Variants in AUTS2 observed in about 807,000 individuals in gnomAD.
AUTS2 encodes the protein activator of transcription and developmental regulator AUTS2, also known as autism susceptibility gene 2 protein.
In AUTS2, 17 loss-of-function variants were observed where a neutral mutation model predicts 112.4. The ratio of observed to expected loss-of-function variants is 0.15; its 90% CI spans 0.10 to 0.23. The LOEUF (loss-of-function observed/expected upper bound fraction) is 0.23, where lower values mean the gene tolerates loss of function less well. Among genes scored for constraint, AUTS2 ranks in the 10% least tolerant of loss-of-function variants. The pLI is 1.00. For synonymous variants in AUTS2, 751 were observed against 702.7 expected (o/e 1.07, Z -1.09); for missense variants, 1,510 against 1,701.6 (o/e 0.89, Z 1.98).
At chr7:70,105,469 C>T (rs1051062279) in intron 2 of AUTS2, among the ~76,000 whole-genome samples, 21 of 152,066 alleles carry the variant, frequency 1.4e-4, no homozygotes, top group African/African-American at 3.9e-4. Flanking sequence ...ATGTTTCCCA[C>T]GCTGATCTTG....
At chr7:69,864,664 G>A (rs1253151014) in intron 1 of AUTS2, among the ~76,000 whole-genome samples, 2 of 152,128 alleles carry the variant, frequency 1.3e-5, no homozygotes, top group Non-Finnish European at 2.9e-5. Context: ...TATACTGAGA[G>A]GGAGAACATA....
chr7:70,190,768 T>G (rs779839108), intron 4 of AUTS2, among the ~76,000 whole-genome samples: 5 of 152,192 alleles, frequency 3.3e-5, no homozygotes, highest in Admixed American at 6.5e-5. Context: ...AATAGGAGTT[T>G]CCTAGAGGAT....
chr7:70,326,499 C>T (rs968951972), intron 4 of AUTS2, among the ~76,000 whole-genome samples: 2 of 152,232 alleles, frequency 1.3e-5, no homozygotes, highest in South Asian at 4.1e-4. Context: ...TGACCTCTGA[C>T]TCACAGTTAC....
intron 2 of AUTS2, among the ~76,000 whole-genome samples, chr7:70,033,581 A>G (rs945461252): frequency 6.6e-6 from 1 of 152,212 alleles, no homozygotes; most frequent in Non-Finnish European, 1.5e-5. Context: ...GAGAAGATTT[A>G]AGGAAGCAGA....
At chr7:70,095,877 G>A (rs541895516) in intron 2 of AUTS2, among the ~76,000 whole-genome samples, 1 of 152,286 alleles carries the variant, frequency 6.6e-6, no homozygotes, top group South Asian at 2.1e-4. Flanking sequence ...GATCCATACA[G>A]GAACTATACT....
intron 1 of AUTS2, among the ~76,000 whole-genome samples, chr7:69,688,873 A>G (rs1348100451): frequency 2.0e-5 from 3 of 152,204 alleles, no homozygotes; most frequent in Non-Finnish European, 4.4e-5. Context: ...TACATATTTT[A>G]TATTTGTTCA....
At chr7:70,152,216 T>C (rs1807480213) in intron 4 of AUTS2, among the ~76,000 whole-genome samples, 1 of 152,120 alleles carries the variant, frequency 6.6e-6, no homozygotes, top group Admixed American at 6.5e-5. Context: ...GTCTAATGCA[T>C]GTAAATTGGA....
At chr7:69,979,182 G>A (rs1161651058) in intron 2 of AUTS2, among the ~76,000 whole-genome samples, 12 of 152,186 alleles carry the variant, frequency 7.9e-5, no homozygotes, top group Admixed American at 7.9e-4. Flanking sequence ...AGAAATTTAA[G>A]CTAAGGAACA....
intron 4 of AUTS2, among the ~76,000 whole-genome samples, chr7:70,415,286 C>T (rs1794943262): frequency 6.6e-6 from 1 of 152,204 alleles, no homozygotes; most frequent in East Asian, 1.9e-4. Flanking sequence ...TTGGCCAAGT[C>T]ATGCCCCTCT....
intron 5 of AUTS2, among the ~76,000 whole-genome samples, chr7:70,645,940 G>A (rs980992192): frequency 6.7e-6 from 1 of 149,504 alleles, no homozygotes; most frequent in South Asian, 2.2e-4. Flanking sequence ...AATGATGTGC[G>A]ACTTTTTTTT....
intron 1 of AUTS2, among the ~76,000 whole-genome samples, chr7:69,686,596 A>C (rs1270137687): frequency 6.6e-6 from 1 of 152,250 alleles, no homozygotes. Flanking sequence ...GTTGTTTTCA[A>C]AATACTATAG....
intron 1 of AUTS2, among the ~76,000 whole-genome samples, chr7:69,756,424 A>G (rs1266916442): frequency 6.6e-6 from 1 of 152,216 alleles, no homozygotes; most frequent in Non-Finnish European, 1.5e-5. Context: ...TCTGAAGTCA[A>G]TAGAAGGAAA....
intron 4 of AUTS2, among the ~76,000 whole-genome samples, chr7:70,433,507 T>C (rs2130843293): frequency 6.6e-6 from 1 of 152,354 alleles, no homozygotes; most frequent in Admixed American, 6.5e-5. Flanking sequence ...CAGGACAGTA[T>C]TGTTCCTCAT....
intron 5 of AUTS2, among the ~76,000 whole-genome samples, chr7:70,690,031 A>G (rs981906859): frequency 6.6e-6 from 1 of 152,196 alleles, no homozygotes; most frequent in African/African-American, 2.4e-5. Context: ...CAACAAATAT[A>G]TCCTCCTTAC....
At chr7:70,040,054 G>T (rs1262155455) in intron 2 of AUTS2, among the ~76,000 whole-genome samples, 3 of 152,194 alleles carry the variant, frequency 2.0e-5, no homozygotes, top group Admixed American at 6.5e-5. Flanking sequence ...ATCAGTGGTT[G>T]CTAGGAGTTG....
At chr7:70,162,626 AC>A (rs1234485868) in intron 4 of AUTS2, among the ~76,000 whole-genome samples, 1 of 152,076 alleles carries the variant, frequency 6.6e-6, no homozygotes, top group Non-Finnish European at 1.5e-5. Context: ...ACCACCTAAG[AC>A]TGCTACTATA....
At chr7:70,601,774 A>G (rs1221979596) in intron 5 of AUTS2, among the ~76,000 whole-genome samples, 1 of 152,156 alleles carries the variant, frequency 6.6e-6, no homozygotes, top group Non-Finnish European at 1.5e-5. Flanking sequence ...CAGGAGCCCA[A>G]GATTTCTTTC....
intron 4 of AUTS2, among the ~76,000 whole-genome samples, chr7:70,184,671 C>G (rs1809504720): frequency 6.6e-6 from 1 of 152,130 alleles, no homozygotes; most frequent in Non-Finnish European, 1.5e-5. Flanking sequence ...CTTCAGCTCT[C>G]TCTTTTTTGG....
intron 4 of AUTS2, among the ~76,000 whole-genome samples, chr7:70,342,350 CGCTT>C (rs2129620967): frequency 1.3e-5 from 2 of 149,790 alleles, no homozygotes; most frequent in African/African-American, 4.9e-5. Context: ...GGGGGGAAGT[CGCTT>C]GCCAGAAGAT....
Sources: gnomAD v4.1 joint callset for allele counts (sites outside exome capture counted in the v4.1 genomes callset) on GRCh38, gnomAD v4.1.1 for gene constraint, MANE v1.5 for transcripts, NCBI Gene and HGNC (gene_info 2026-07-23, HGNC 2026-07-21) for gene names.